ELMO1: variants seen among roughly 807,000 people sequenced by gnomAD.
ELMO1 encodes engulfment and cell motility protein 1.
A neutral mutation model predicts 98.9 loss-of-function variants in ELMO1; 26 were observed. That is an observed-to-expected ratio of 0.26 (90% CI 0.19 to 0.36). The LOEUF (loss-of-function observed/expected upper bound fraction) is 0.36, where lower values mean the gene tolerates loss of function less well. ELMO1 is among the 10% of genes least tolerant of loss of function. The pLI, the probability that ELMO1 is intolerant of heterozygous loss-of-function variation, is 1.00. For missense variants in ELMO1, 627 were observed against 935.2 expected (o/e 0.67, Z 4.30); for synonymous variants, 346 against 346.0 (o/e 1.00, Z 0.00).
At chr7:36,938,830 T>C (rs1786771471) in intron 16 of ELMO1, among the ~76,000 whole-genome samples, 1 of 152,164 alleles carries the variant, frequency 6.6e-6, no homozygotes, top group Non-Finnish European at 1.5e-5. Flanking sequence ...GTCTATTTTG[T>C]TCAGTGACGT....
intron 16 of ELMO1, among the ~76,000 whole-genome samples, chr7:36,900,603 G>A (rs1806424379): frequency 3.3e-5 from 5 of 152,176 alleles, no homozygotes; most frequent in Admixed American, 3.3e-4. Flanking sequence ...AGAGTTGGAA[G>A]GGGATAGATC....
chr7:37,116,221 T>G (rs1584668353), intron 14 of ELMO1, among the ~76,000 whole-genome samples: 1 of 152,006 alleles, frequency 6.6e-6, no homozygotes, highest in African/African-American at 2.4e-5. Flanking sequence ...GGAGAAGAAA[T>G]AGCGAAACCC....
chr7:36,916,124 G>A lies in ELMO1; in HGVS notation c.1438-21107C>T, dbSNP rs141153789. Among the ~76,000 whole-genome samples the A allele has an allele frequency of 3.4e-3, 519 of 152,340 alleles. 1 individual carries two copies. The highest frequency in any genetic ancestry group is 0.012 in the African/African-American group (504 of 41,572). ...AGGATTCAGTGGAAGGCGGCACCTGGATGACCAGACCAGAACAGGTGTTCC... is the reference window on the plus strand; with the variant it reads ...AGGATTCAGTGGAAGGCGGCACCTGAATGACCAGACCAGAACAGGTGTTCC... On this transcript the variant is annotated intron_variant, in intron 16 of 21. Transcript: ENST00000310758.
intron 1 of ELMO1, among the ~76,000 whole-genome samples, chr7:37,364,699 G>A (rs1469965614): frequency 1.3e-5 from 2 of 151,716 alleles, no homozygotes; most frequent in African/African-American, 4.8e-5. Flanking sequence ...AGTTTTGCTT[G>A]AGGAAGGAGA....
chr7:37,434,939 T>A (rs1432250056), intron 1 of ELMO1, among the ~76,000 whole-genome samples: 1 of 152,158 alleles, frequency 6.6e-6, no homozygotes, highest in African/African-American at 2.4e-5. Context: ...ATTTGTGTGA[T>A]CCTTTGATCA....
chr7:37,099,392 T>G lies in ELMO1; in HGVS notation c.1192-2665A>C, dbSNP rs1784524478. 2.0e-5 allele frequency among the ~76,000 whole-genome samples: 3 copies of G among 152,368 alleles called. No individual in the cohort carries two copies. The East Asian group carries it at 5.8e-4, about 29-fold the overall frequency. ...CTTTTATTTAACACATTGATACATC[T>G]ACATTCAATTTCAACATTCTGATAT... On this transcript the variant is annotated intron_variant, in intron 14 of 21. Transcript: ENST00000310758.
chr7:36,933,269 C>G (rs539006528), intron 16 of ELMO1, among the ~76,000 whole-genome samples: 9 of 152,274 alleles, frequency 5.9e-5, no homozygotes, highest in Admixed American at 5.9e-4. Flanking sequence ...AATACAGGAA[C>G]AGAGTGTATA....
intron 1 of ELMO1, 74 bp downstream of exon 1, chr7:37,448,601 G>T: frequency 6.6e-6 from 1 of 151,622 alleles, no homozygotes; most frequent in Non-Finnish European, 1.5e-5. Context: ...CCCGGCCCCA[G>T]TCCCGGCCCC....
intron 21 of ELMO1, among the ~76,000 whole-genome samples, chr7:36,860,500 C>A (rs906394906): frequency 6.6e-6 from 1 of 152,172 alleles, no homozygotes; most frequent in Non-Finnish European, 1.5e-5. Context: ...TAAGAAGTGG[C>A]AGATATGAAT....
At chr7:37,183,055 G>A (rs148387416) in intron 13 of ELMO1, among the ~76,000 whole-genome samples, 1 of 152,164 alleles carries the variant, frequency 6.6e-6, no homozygotes, top group Non-Finnish European at 1.5e-5. Context: ...AGACCAGCTT[G>A]CATGGAGTCA....
intron 1 of ELMO1, among the ~76,000 whole-genome samples, chr7:37,426,843 G>A (rs773683883): frequency 1.3e-5 from 2 of 151,856 alleles, no homozygotes; most frequent in Admixed American, 6.6e-5. Context: ...ATCACAGGTT[G>A]GATATCCTTG....
intron 1 of ELMO1, among the ~76,000 whole-genome samples, chr7:37,422,017 A>G (rs564241548): frequency 6.6e-6 from 1 of 152,326 alleles, no homozygotes; most frequent in South Asian, 2.1e-4. Flanking sequence ...TGACCTTTAA[A>G]GAATGCAGTT....
chr7:37,221,814 C>T (rs1012936260), intron 10 of ELMO1, among the ~76,000 whole-genome samples: 2 of 152,116 alleles, frequency 1.3e-5, no homozygotes, highest in Non-Finnish European at 2.9e-5. Flanking sequence ...TCTCCTGCCT[C>T]AGCCTCCTGA....
At chr7:37,423,960 G>A (rs899006178) in intron 1 of ELMO1, among the ~76,000 whole-genome samples, 4 of 152,206 alleles carry the variant, frequency 2.6e-5, no homozygotes, top group African/African-American at 7.2e-5. Context: ...GTGTGTGTGA[G>A]TACTTGCTGG....
intron 15 of ELMO1, among the ~76,000 whole-genome samples, chr7:37,021,599 C>T (rs935876505): frequency 6.6e-6 from 1 of 151,772 alleles, no homozygotes; most frequent in Non-Finnish European, 1.5e-5. Flanking sequence ...CAAATGTTGA[C>T]GTCACTATTT....
At chr7:37,302,582 C>G (rs1338926086) in intron 4 of ELMO1, among the ~76,000 whole-genome samples, 2 of 152,066 alleles carry the variant, frequency 1.3e-5, no homozygotes, top group Non-Finnish European at 2.9e-5. Context: ...AGCCCAGAAG[C>G]CAGACATGAG....
Position 37,200,736 on chromosome 7 carries a change from C to T in ELMO1, c.1086+10650G>A, listed in dbSNP as rs549084220. On this transcript the variant is annotated intron_variant, in intron 13 of 21. Coordinates refer to ENST00000310758, the MANE Select transcript of ELMO1 (RefSeq NM_014800.11). Reference sequence around the variant, plus strand: ...ATCCAAGCACCTTGGGAGGCCAAGGCGGGTGGGTCGCTTGAGCTCAAGAGT... The same window carrying T: ...ATCCAAGCACCTTGGGAGGCCAAGGTGGGTGGGTCGCTTGAGCTCAAGAGT... Among the ~76,000 whole-genome samples the T allele has an allele frequency of 1.1e-4, 16 of 152,200 alleles. No individual in the cohort carries two copies. In the South Asian group the frequency reaches 1.5e-3, roughly 14 times the overall value.
At chr7:37,428,174 C>T (rs1347829771) in intron 1 of ELMO1, among the ~76,000 whole-genome samples, 1 of 151,748 alleles carries the variant, frequency 6.6e-6, no homozygotes, top group Non-Finnish European at 1.5e-5. Flanking sequence ...ATACATATCC[C>T]AGTGAAAAGA....
At chr7:37,238,609 C>A (rs1158805695) in intron 7 of ELMO1, among the ~76,000 whole-genome samples, 1 of 152,120 alleles carries the variant, frequency 6.6e-6, no homozygotes, top group Non-Finnish European at 1.5e-5. Flanking sequence ...CTGCAGAAAG[C>A]AAACATATTT....
Sources: gnomAD v4.1 joint callset for allele counts (sites outside exome capture counted in the v4.1 genomes callset) on GRCh38, gnomAD v4.1.1 for gene constraint, MANE v1.5 for transcripts, NCBI Gene and HGNC (gene_info 2026-07-23, HGNC 2026-07-21) for gene names.